PFKFB3: variants seen among roughly 807,000 people sequenced by gnomAD.
The protein encoded by PFKFB3 is 6-phosphofructo-2-kinase/fructose-2,6-bisphosphatase 3.
PFKFB3 carries 33 observed loss-of-function variants against 68.0 expected under a neutral mutation model. The ratio of observed to expected loss-of-function variants is 0.49; its 90% CI spans 0.37 to 0.65. The LOEUF is 0.65. Among genes scored for constraint, PFKFB3 ranks in the 30% least tolerant of loss-of-function variants. PFKFB3 has a pLI of 0.00. For synonymous variants in PFKFB3, 315 were observed against 288.2 expected (o/e 1.09, Z -0.94); for missense variants, 586 against 712.2 (o/e 0.82, Z 2.02).
At chr10:6,299,694 T>G in the PFKFB3 span, among the ~76,000 whole-genome samples, 1 of 152,238 alleles carries the variant, frequency 6.6e-6, no homozygotes, top group African/African-American at 2.4e-5. Flanking sequence ...TTTATACTCT[T>G]GGCGTCTCCT....
chr10:6,250,592 G>A (rs946318009), intron 14 of PFKFB3, among the ~76,000 whole-genome samples: 1 of 151,682 alleles, frequency 6.6e-6, no homozygotes, highest in Admixed American at 6.6e-5. Flanking sequence ...AAAAAGAGGT[G>A]GGGTCTTTGA....
chr10:6,200,463 C>T (rs1281159932), upstream of PFKFB3, among the ~76,000 whole-genome samples: 1 of 151,920 alleles, frequency 6.6e-6, no homozygotes, highest in Non-Finnish European at 1.5e-5. Flanking sequence ...AGTAAATTAC[C>T]AGAATACAGT....
chr10:6,313,527 A>C, the PFKFB3 span, among the ~76,000 whole-genome samples: 1 of 152,130 alleles, frequency 6.6e-6, no homozygotes, highest in African/African-American at 2.4e-5. This position sits in a 1 kb window ranked among gnomAD's most constrained non-coding sequence, Gnocchi z 4.2. Flanking sequence ...TTTGAGACTC[A>C]GTTCACAGCC....
chr10:6,310,371 G>C, the PFKFB3 span, among the ~76,000 whole-genome samples: 1 of 152,078 alleles, frequency 6.6e-6, no homozygotes, highest in East Asian at 1.9e-4. Context: ...GCCAAGGTGG[G>C]AAATGGTGTC....
intron 1 of PFKFB3, chr10:6,197,583 T>G (rs530527966): frequency 6.6e-6 from 1 of 152,322 alleles, no homozygotes; most frequent in African/African-American, 2.4e-5. Context: ...ATCTTAAAAC[T>G]TTTGAGAAAT....
At chr10:6,252,213 C>T (rs980764670) in intron 14 of PFKFB3, among the ~76,000 whole-genome samples, 1 of 152,162 alleles carries the variant, frequency 6.6e-6, no homozygotes, top group Non-Finnish European at 1.5e-5. Context: ...TTTGTGACTG[C>T]TACATCCAAC....
At chr10:6,289,115 G>A in the PFKFB3 span, among the ~76,000 whole-genome samples, 3 of 144,962 alleles carry the variant, frequency 2.1e-5, no homozygotes, top group East Asian at 2.0e-4. Context: ...CCTTTTGTCA[G>A]ATGAGTAGGT....
chr10:6,177,513 C>G (rs1407670570), intron 1 of PFKFB3, among the ~76,000 whole-genome samples: 1 of 92,712 alleles, frequency 1.1e-5, no homozygotes, highest in Non-Finnish European at 2.5e-5. Context: ...CTCTCGCTCT[C>G]TCTTTCCTTT....
At position 6,183,614 on chromosome 10, in the gene PFKFB3, A is replaced by AAAATATAT. The variant is rs1242752213; in HGVS notation, c.17-30008_17-30007insAATATATA. On this transcript the variant is annotated intron_variant, in intron 1 of 14. Coordinates refer to the PFKFB3 transcript ENST00000379789. ...GACCAGCCTGGTCAAAAAAAAAAAA[A>AAAATATAT]ATATATATATATATATATGTATATA... Among the ~76,000 whole-genome samples, 437 of 93,890 alleles carry AAAATATAT rather than the reference A, an allele frequency of 4.7e-3. 5 individuals carry two copies. Among genetic ancestry groups the AAAATATAT allele is most frequent in the African/African-American group, 0.014 (421 of 29,314 alleles). 61.6% of individuals were successfully genotyped at this position (93,890 alleles called of 152,430 possible).
chr10:6,249,037 G>C (rs1846319778), intron 14 of PFKFB3, among the ~76,000 whole-genome samples: 1 of 152,088 alleles, frequency 6.6e-6, no homozygotes, highest in Non-Finnish European at 1.5e-5. Flanking sequence ...AGCTAGGCAT[G>C]GTGGCACATG....
At chr10:6,169,409 C>T (rs962362816) in intron 1 of PFKFB3, among the ~76,000 whole-genome samples, 7 of 151,858 alleles carry the variant, frequency 4.6e-5, no homozygotes, top group African/African-American at 1.5e-4. Context: ...GCAAGGGGCA[C>T]GAATGCTCAG....
chr10:6,188,928 A>T (rs756912905), intron 1 of PFKFB3, among the ~76,000 whole-genome samples: 1 of 144,412 alleles, frequency 6.9e-6, no homozygotes, highest in African/African-American at 2.6e-5. Context: ...TCCGCCTCCC[A>T]GGTTCACGCC....
chr10:6,215,089 C>T lies in PFKFB3; in HGVS notation c.203-132C>T. The T allele has an allele frequency of 1.4e-6, 1 of 719,176 alleles. No homozygotes were observed. The highest frequency in any genetic ancestry group is 2.7e-5 in the East Asian group (1 of 37,318). 44.5% of individuals were successfully genotyped at this position (719,176 alleles called of 1,614,324 possible). A position where few individuals can be genotyped will look rare whatever the true frequency, so the allele number is the denominator to read the frequency against. On this transcript the variant is annotated intron_variant, in intron 2 of 14. Transcript: ENST00000379775. This position sits in a 1 kb window ranked among gnomAD's most constrained non-coding sequence, Gnocchi z 4.3. ...AGCGTAGGACTGGGCGCCGGCATTG[C>T]TTCCACACCATCTCATTCAAGTCGG...
chr10:6,169,421 C>T (rs572526593), intron 1 of PFKFB3, among the ~76,000 whole-genome samples: 21 of 151,608 alleles, frequency 1.4e-4, no homozygotes, highest in African/African-American at 5.1e-4. Context: ...AATGCTCAGA[C>T]CTGGGCCACC....
intron 14 of PFKFB3, among the ~76,000 whole-genome samples, chr10:6,251,809 A>C (rs1406392908): frequency 6.6e-6 from 1 of 152,110 alleles, no homozygotes; most frequent in Non-Finnish European, 1.5e-5. Flanking sequence ...TCTCTCTAAA[A>C]ATACAAAAAT....
downstream of PFKFB3, among the ~76,000 whole-genome samples, chr10:6,255,205 A>G (rs1407373620): frequency 2.4e-4 from 35 of 148,212 alleles, no homozygotes; most frequent in Non-Finnish European, 3.4e-4. Context: ...GCTCACTGCA[A>G]CCTCTGCCTC....
chr10:6,267,290 G>A, the PFKFB3 span, among the ~76,000 whole-genome samples: 1 of 152,344 alleles, frequency 6.6e-6, no homozygotes, highest in East Asian at 1.9e-4. Context: ...GCTTGATAAC[G>A]CTCATGTTCT....
intron 1 of PFKFB3, among the ~76,000 whole-genome samples, chr10:6,209,290 G>T (rs900414468): frequency 6.6e-6 from 1 of 152,054 alleles, no homozygotes; most frequent in Admixed American, 6.6e-5. Context: ...CCTGTAACCC[G>T]GTGACATCTG....
chr10:6,271,789 G>A, the PFKFB3 span, among the ~76,000 whole-genome samples: 2 of 152,198 alleles, frequency 1.3e-5, no homozygotes, highest in African/African-American at 2.4e-5. Flanking sequence ...TGGAGCCTAT[G>A]GGTATCTGTG....
Sources: gnomAD v4.1 joint callset for allele counts (sites outside exome capture counted in the v4.1 genomes callset) on GRCh38, gnomAD v4.1.1 for gene constraint, Gnocchi (gnomAD v3.1) non-coding constraint, MANE v1.5 for transcripts, NCBI Gene and HGNC (gene_info 2026-07-23, HGNC 2026-07-21) for gene names.